The following ALDH1A2 variants were observed in gnomAD, a reference collection of about 807,000 sequenced individuals.
The protein encoded by ALDH1A2 is aldehyde dehydrogenase 1 family member A2.
ALDH1A2 carries 27 observed loss-of-function variants against 60.3 expected under a neutral mutation model. The ratio of observed to expected loss-of-function variants is 0.45; its 90% confidence interval spans 0.33 to 0.62. The LOEUF (loss-of-function observed/expected upper bound fraction) is 0.62. Among genes scored for constraint, ALDH1A2 ranks in the 20% least tolerant of loss-of-function variants. The probability of loss-of-function intolerance (pLI) is 0.02; values close to 1 mark genes in which losing one functional copy is unlikely to be tolerated. For missense variants in ALDH1A2, 581 were observed against 643.8 expected, an observed-to-expected ratio of 0.90 and a Z score of 1.06; for synonymous variants, 289 against 232.4, an observed-to-expected ratio of 1.24 and a Z score of -2.21.
At chr15:58,056,406 T>C (rs1047021468) in intron 1 of ALDH1A2, among the ~76,000 whole-genome samples, 4 of 152,154 alleles carry the variant, frequency 2.6e-5, no homozygotes, top group African/African-American at 9.6e-5. Flanking sequence ...CATTTGTCTT[T>C]ATTATTGTCC....
At chr15:57,958,072 C>T (rs1893591344) in intron 12 of ALDH1A2, among the ~76,000 whole-genome samples, 1 of 152,158 alleles carries the variant, frequency 6.6e-6, no homozygotes, top group African/African-American at 2.4e-5. Context: ...ACTCTGGAAG[C>T]TTGTTAAAAA....
At chr15:58,057,965 TAC>T (rs1896937819) in intron 1 of ALDH1A2, 1 of 917,878 alleles carries the variant, frequency 1.1e-6, no homozygotes, top group African/African-American at 1.7e-5. Context: ...AATTAAATAA[TAC>T]AATTATATTA....
chr15:58,026,365 T>C (rs1896079441), intron 1 of ALDH1A2, among the ~76,000 whole-genome samples: 1 of 152,178 alleles, frequency 6.6e-6, no homozygotes, highest in African/African-American at 2.4e-5. Context: ...AAAAAGCATT[T>C]GATAAAATCA....
intron 7 of ALDH1A2, among the ~76,000 whole-genome samples, chr15:57,978,638 T>C (rs745352535): frequency 1.3e-5 from 2 of 152,094 alleles, no homozygotes; most frequent in African/African-American, 2.4e-5. Flanking sequence ...GCAGGGCCCC[T>C]GGGTGGGGGG....
chr15:57,984,013 C>T (rs1230369300), intron 7 of ALDH1A2, among the ~76,000 whole-genome samples: 6 of 152,200 alleles, frequency 3.9e-5, no homozygotes, highest in African/African-American at 9.6e-5. Flanking sequence ...AAGCATGCTG[C>T]ACTGAGAAAT....
chr15:57,966,523 A>C (rs1352629279), intron 7 of ALDH1A2, among the ~76,000 whole-genome samples: 2 of 152,216 alleles, frequency 1.3e-5, no homozygotes, highest in Non-Finnish European at 2.9e-5. Context: ...CTCAAGGCAG[A>C]ACTCTACCTC....
intron 1 of ALDH1A2, chr15:58,014,537 A>G (rs1394070663): frequency 1.9e-6 from 1 of 528,760 alleles, no homozygotes; most frequent in Non-Finnish European, 3.7e-6. Flanking sequence ...GATACAAATA[A>G]GGATAGAGTG....
At chr15:58,002,705 G>A (rs955751094) in intron 4 of ALDH1A2, among the ~76,000 whole-genome samples, 3 of 151,802 alleles carry the variant, frequency 2.0e-5, no homozygotes, top group Non-Finnish European at 4.4e-5. Context: ...CAATAAAAAC[G>A]ATTTTATTCA....
intron 4 of ALDH1A2, 71 bp downstream of exon 4, chr15:58,010,578 G>A: frequency 1.3e-6 from 2 of 1,592,512 alleles, no homozygotes; most frequent in South Asian, 1.1e-5. Flanking sequence ...ACTGCTGTTT[G>A]TGTTTGGTGG....
chr15:58,029,463 C>G (rs1243201495), intron 1 of ALDH1A2, among the ~76,000 whole-genome samples: 1 of 151,884 alleles, frequency 6.6e-6, no homozygotes, highest in Admixed American at 6.6e-5. Flanking sequence ...AACTCAACCC[C>G]CTAACATCAC....
At chr15:58,045,454 T>C (rs535567014) in intron 1 of ALDH1A2, among the ~76,000 whole-genome samples, 70 of 152,286 alleles carry the variant, frequency 4.6e-4, no homozygotes, top group African/African-American at 1.6e-3. Context: ...CGTATGTTTA[T>C]TGCGGCACTA....
At chr15:58,006,953 A>C (rs1268945277) in intron 4 of ALDH1A2, among the ~76,000 whole-genome samples, 1 of 151,648 alleles carries the variant, frequency 6.6e-6, no homozygotes, top group Non-Finnish European at 1.5e-5. Flanking sequence ...TGCTGTTTAA[A>C]ATGGCCCCTA....
At chr15:58,013,800 A>T (rs1274268464) in intron 3 of ALDH1A2, 58 bp downstream of exon 3, 11 of 1,603,548 alleles carry the variant, frequency 6.9e-6, no homozygotes, top group Non-Finnish European at 8.5e-6. Flanking sequence ...GAAGAATGTA[A>T]ATTTCAGCAG....
chr15:58,054,204 A>C (rs1378409383), intron 1 of ALDH1A2, among the ~76,000 whole-genome samples: 1 of 152,142 alleles, frequency 6.6e-6, no homozygotes, highest in Non-Finnish European at 1.5e-5. Flanking sequence ...TAAGAGAAAC[A>C]CCAAGGGAAG....
intron 7 of ALDH1A2, 46 bp from the exon 8 acceptor site, chr15:57,965,873 A>G (rs759479244): frequency 1.3e-6 from 2 of 1,494,804 alleles, no homozygotes; most frequent in South Asian, 1.1e-5. Flanking sequence ...CCTGCAGGTG[A>G]GACAGTCACC....
intron 1 of ALDH1A2, among the ~76,000 whole-genome samples, chr15:58,018,496 T>C (rs994308910): frequency 2.0e-4 from 31 of 152,100 alleles, no homozygotes; most frequent in Admixed American, 5.9e-4. Flanking sequence ...ATAGTAAAAT[T>C]GGTGGGCAAA....
At chr15:57,956,581 G>C (rs1001653351) in intron 12 of ALDH1A2, among the ~76,000 whole-genome samples, 1 of 152,128 alleles carries the variant, frequency 6.6e-6, no homozygotes, top group African/African-American at 2.4e-5. Context: ...TCTCCTGTCC[G>C]TATAGTTCAT....
intron 1 of ALDH1A2, among the ~76,000 whole-genome samples, chr15:58,030,238 T>A (rs1426987969): frequency 2.0e-5 from 3 of 152,104 alleles, no homozygotes; most frequent in Non-Finnish European, 2.9e-5. Context: ...GTTCAACATA[T>A]GCAAACTGAT....
chr15:58,010,972 T>C (rs780141966), intron 3 of ALDH1A2, among the ~76,000 whole-genome samples, 194 bp from the exon 4 acceptor site: 2 of 152,188 alleles, frequency 1.3e-5, no homozygotes, highest in Non-Finnish European at 2.9e-5. Context: ...AAAACCACAA[T>C]GAGTATATAT....
Sources: gnomAD v4.1 joint callset for allele counts (sites outside exome capture counted in the v4.1 genomes callset) on GRCh38, gnomAD v4.1.1 for gene constraint, MANE v1.5 for transcripts, NCBI Gene and HGNC (gene_info 2026-07-23, HGNC 2026-07-21) for gene names.